TM7SF3: variants seen among roughly 807,000 people sequenced by gnomAD.
The protein encoded by TM7SF3 is transmembrane 7 superfamily member 3, also known as seven span transmembrane protein.
In TM7SF3, 60 loss-of-function variants were observed where a neutral mutation model predicts 65.5. That is an observed-to-expected ratio of 0.92 (90% CI 0.74 to 1.14). TM7SF3 has a LOEUF of 1.14. TM7SF3 is among the 50% of genes most tolerant of loss of function. TM7SF3 has a pLI of 0.00. For missense variants in TM7SF3, 623 were observed against 684.8 expected (o/e 0.91, Z 1.01); for synonymous variants, 264 against 259.6 (o/e 1.02, Z -0.16).
Position 26,990,536 on chromosome 12 carries a change from G to T in TM7SF3, c.782C>A (p.Pro261Gln). ...GVIYNVIVWD[P>Q]FLNTSAAYIP... ...GTAGGCAGCAGATGTATTTAGAAACGGGTCCCAAACAATGACATTGTATAT... is the reference window on the plus strand; with the variant it reads ...GTAGGCAGCAGATGTATTTAGAAACTGGTCCCAAACAATGACATTGTATAT... Residue 261 changes from proline (P) to glutamine (Q), a missense_variant, in exon 6 of 12, where the codon CCG becomes CAG. Physicochemically the swap from Pro to Gln is moderately conservative, Grantham distance 76. Transcript: ENST00000343028. 1 of 1,613,816 alleles carries T rather than the reference G, an allele frequency of 6.2e-7. No homozygotes were observed. The highest frequency in any genetic ancestry group is 8.5e-7 in the Non-Finnish European group (1 of 1,179,724).
intron 4 of TM7SF3, 38 bp from the exon 5 acceptor site, chr12:26,995,446 T>C: frequency 1.2e-6 from 2 of 1,609,940 alleles, no homozygotes; most frequent in Non-Finnish European, 1.7e-6. Flanking sequence ...CAGTCTCTTG[T>C]GGTGCAAGTC....
At chr12:26,981,752 C>G (rs1243625490) in intron 7 of TM7SF3, among the ~76,000 whole-genome samples, 2 of 152,196 alleles carry the variant, frequency 1.3e-5, no homozygotes, top group East Asian at 3.8e-4. Context: ...CTCAGTTATA[C>G]AACTTGTTGA....
chr12:26,975,881 A>G, intron 10 of TM7SF3: 1 of 545,990 alleles, frequency 1.8e-6, no homozygotes, highest in South Asian at 2.6e-5. Flanking sequence ...TCCAAATACT[A>G]TGGAAAATAT....
intron 8 of TM7SF3, 61 bp from the exon 9 acceptor site, chr12:26,979,997 A>G: frequency 6.3e-7 from 1 of 1,598,276 alleles, no homozygotes. Flanking sequence ...CGCGTGCCTT[A>G]GACATACAAT....
intron 6 of TM7SF3, among the ~76,000 whole-genome samples, chr12:26,985,041 A>G (rs985387296): frequency 6.6e-5 from 10 of 152,216 alleles, no homozygotes; most frequent in African/African-American, 2.2e-4. Context: ...ATCACTAGGA[A>G]GGTTCAACTT....
chr12:26,992,001 T>A (rs11048802), intron 5 of TM7SF3, among the ~76,000 whole-genome samples: 37,109 of 152,002 alleles, frequency 0.24, 4,887 homozygotes, highest in East Asian at 0.38. Context: ...CTAGCAATTG[T>A]GCCTTTCTAG....
Position 26,999,563 on chromosome 12 carries a change from G to C in TM7SF3, c.360C>G (p.Val120=). Residue 120 remains valine, a synonymous_variant, in exon 3 of 12, where the codon GTC becomes GTG. Transcript: ENST00000343028. ...WYLGTSGIQP[V]QNMAILLSYS... ...AGGAGAGTAGGATAGCCATATTCTG[G>C]ACAGGCTGTATGCCTGAAGTCCCCA... The C allele has an allele frequency of 3.1e-6, 5 of 1,614,120 alleles. No individual in the cohort carries two copies. Among genetic ancestry groups the C allele is most frequent in the Non-Finnish European group, 4.2e-6 (5 of 1,180,002 alleles).
In TM7SF3 at chr12:27,009,901, T is replaced by C. The variant is rs141716051; in HGVS notation, c.91+4177A>G. 3.3e-5 allele frequency among the ~76,000 whole-genome samples: 5 copies of C among 152,368 alleles called. 1 individual carries two copies. Among genetic ancestry groups the C allele is most frequent in the African/African-American group, 1.2e-4 (5 of 41,586 alleles). On this transcript the variant is annotated intron_variant, in intron 1 of 11. Coordinates refer to ENST00000343028, the MANE Select transcript of TM7SF3 (RefSeq NM_016551.3). ...CATCTGTGTGAAAATACTTTGGCAGTGTAACCCTGGCAATCTAACATCCAT... is the reference window on the plus strand; with the variant it reads ...CATCTGTGTGAAAATACTTTGGCAGCGTAACCCTGGCAATCTAACATCCAT...
chr12:27,005,762 G>A (rs549903468), intron 1 of TM7SF3, among the ~76,000 whole-genome samples: 9 of 152,078 alleles, frequency 5.9e-5, no homozygotes, highest in African/African-American at 1.4e-4. Flanking sequence ...AATAAGTAGG[G>A]GGGTATTAAA....
At chr12:26,995,067 T>C (rs900055307) in intron 5 of TM7SF3, among the ~76,000 whole-genome samples, 170 bp downstream of exon 5, 2 of 152,186 alleles carry the variant, frequency 1.3e-5, no homozygotes, top group African/African-American at 4.8e-5. Flanking sequence ...CAACATCATT[T>C]TGAGATATCA....
At chr12:27,006,385 C>T (rs754966066) in intron 1 of TM7SF3, among the ~76,000 whole-genome samples, 25 of 151,318 alleles carry the variant, frequency 1.7e-4, no homozygotes, top group Non-Finnish European at 2.8e-4. Context: ...GATCCGCCCA[C>T]CTGGGCCTCC....
intron 6 of TM7SF3, chr12:26,983,494 G>A (rs1022232487): frequency 4.4e-6 from 2 of 450,896 alleles, no homozygotes; most frequent in Non-Finnish European, 8.9e-6. Flanking sequence ...TATACATACT[G>A]AAATATTTGT....
At chr12:27,001,228 A>G (rs780513632) in intron 2 of TM7SF3, among the ~76,000 whole-genome samples, 3 of 152,152 alleles carry the variant, frequency 2.0e-5, no homozygotes, top group Non-Finnish European at 4.4e-5. Flanking sequence ...TCTAAGTAAT[A>G]TAACAGTGGG....
intron 2 of TM7SF3, 101 bp from the exon 3 acceptor site, chr12:26,999,777 C>G: frequency 8.2e-7 from 1 of 1,226,124 alleles, no homozygotes; most frequent in East Asian, 2.4e-5. Flanking sequence ...CTTCCCAAAA[C>G]AAATAGAAAA....
intron 1 of TM7SF3, among the ~76,000 whole-genome samples, chr12:27,005,181 T>C (rs1021389786): frequency 3.3e-5 from 5 of 152,220 alleles, no homozygotes; most frequent in Non-Finnish European, 7.3e-5. Flanking sequence ...CTCCAAGTCT[T>C]AAAAATTCCC....
rs529339492 is a variant in TM7SF3 at position 26,983,660 on chromosome 12, C to T, written c.869-801G>A. ...GCTGGATAATTGGTGTATGGAGGCT[C>T]GCTGAAGTTTTTCACAATAAAAAAT... On this transcript the variant is annotated intron_variant, in intron 6 of 11. Coordinates refer to ENST00000343028, the MANE Select transcript of TM7SF3 (RefSeq NM_016551.3). 10 of 378,744 alleles carry T rather than the reference C, an allele frequency of 2.6e-5. 1 individual carries two copies. Among genetic ancestry groups the T allele is most frequent in the African/African-American group, 1.0e-4 (5 of 48,024 alleles). The allele number at this position is 378,744 out of a possible 1,614,324, so 23.5% of individuals were successfully genotyped here. A position where few individuals can be genotyped will look rare whatever the true frequency, so the allele number is the denominator to read the frequency against.
chr12:26,993,624 A>C (rs1426030232), intron 5 of TM7SF3, among the ~76,000 whole-genome samples: 2 of 152,184 alleles, frequency 1.3e-5, no homozygotes, highest in African/African-American at 2.4e-5. Context: ...AATGAGAATT[A>C]ATCTAAGGAT....
chr12:26,975,524 A>G lies in TM7SF3; in HGVS notation c.1422T>C (p.Ala474=). 1 of 1,614,114 alleles carries G rather than the reference A, an allele frequency of 6.2e-7. No homozygotes were observed. Among genetic ancestry groups the G allele is most frequent in the Non-Finnish European group, 8.5e-7 (1 of 1,179,982 alleles). ...TAGTTTGAAAAGGCACATTTGTGAAAGCTCTGTGGAAATCCTTGTTGAGCG... is the reference window on the plus strand; with the variant it reads ...TAGTTTGAAAAGGCACATTTGTGAAGGCTCTGTGGAAATCCTTGTTGAGCG... ...KRALNKDFHR[A]FTNVPFQTND... Residue 474 remains alanine (A), a synonymous_variant, in exon 11 of 12, where the codon GCT becomes GCC. Transcript: ENST00000343028.
chr12:26,980,001 A>G (rs1056115606), intron 8 of TM7SF3, 65 bp from the exon 9 acceptor site: 2 of 1,589,110 alleles, frequency 1.3e-6, no homozygotes, highest in Non-Finnish European at 1.7e-6. Flanking sequence ...TGCCTTAGAC[A>G]TACAATACCG....
Sources: allele counts gnomAD v4.1 joint callset (sites outside exome capture counted in the v4.1 genomes callset), GRCh38; gene constraint gnomAD v4.1.1; transcripts MANE v1.5; gene names NCBI Gene and HGNC (gene_info 2026-07-23, HGNC 2026-07-21).